GRIK1: variants seen among roughly 807,000 people sequenced by gnomAD.
GRIK1 encodes the protein glutamate receptor ionotropic, kainate 1.
Under a neutral mutation model 105.7 loss-of-function variants are expected in GRIK1, and 69 were observed. The observed-to-expected ratio is 0.65, with a 90% CI of 0.54 to 0.80. The LOEUF (loss-of-function observed/expected upper bound fraction) is 0.80, where lower values mean the gene tolerates loss of function less well. Among genes scored for constraint, GRIK1 ranks in the 30% least tolerant of loss-of-function variants. GRIK1 has a pLI of 0.00. For missense variants in GRIK1, 1,109 were observed against 1,167.3 expected (o/e 0.95, Z 0.73); for synonymous variants, 438 against 431.3 (o/e 1.02, Z -0.19).
chr21:29,581,986 G>A (rs527314718), intron 12 of GRIK1, among the ~76,000 whole-genome samples: 4 of 152,308 alleles, frequency 2.6e-5, no homozygotes, highest in East Asian at 3.9e-4. Flanking sequence ...ACAAAAAAGA[G>A]GGGTGACTTG....
intron 1 of GRIK1, among the ~76,000 whole-genome samples, chr21:29,725,191 A>G (rs949793077): frequency 1.3e-5 from 2 of 152,200 alleles, no homozygotes; most frequent in Admixed American, 1.3e-4. Flanking sequence ...TCAGTAAGAA[A>G]TAACCAAAAC....
At chr21:29,832,031 G>A (rs2067656872) in intron 1 of GRIK1, among the ~76,000 whole-genome samples, 2 of 152,182 alleles carry the variant, frequency 1.3e-5, no homozygotes, top group Admixed American at 1.3e-4. Context: ...GAAATCAGCT[G>A]AAACAAAAGG....
chr21:29,718,408 C>T (rs375583755), intron 1 of GRIK1, among the ~76,000 whole-genome samples: 1 of 152,158 alleles, frequency 6.6e-6, no homozygotes, highest in Non-Finnish European at 1.5e-5. Context: ...CTCATAAACA[C>T]TCATATGCGT....
intron 1 of GRIK1, among the ~76,000 whole-genome samples, chr21:29,742,733 T>C (rs2064960451): frequency 6.6e-6 from 1 of 152,260 alleles, no homozygotes; most frequent in Admixed American, 6.5e-5. Flanking sequence ...CTTCTAGTAC[T>C]TGTATGGTTT....
intron 1 of GRIK1, among the ~76,000 whole-genome samples, chr21:29,817,724 A>G (rs2067191837): frequency 6.6e-6 from 1 of 152,278 alleles, no homozygotes; most frequent in South Asian, 2.1e-4. Flanking sequence ...TGCAGCCACC[A>G]TGAAATGGGA....
intron 1 of GRIK1, among the ~76,000 whole-genome samples, chr21:29,935,082 C>T (rs1014529757): frequency 1.3e-5 from 2 of 152,152 alleles, no homozygotes; most frequent in African/African-American, 2.4e-5. Context: ...TCTTCCTAAA[C>T]ACAGGCAACT....
At chr21:29,821,074 C>T (rs1237101952) in intron 1 of GRIK1, among the ~76,000 whole-genome samples, 4 of 148,152 alleles carry the variant, frequency 2.7e-5, no homozygotes, top group African/African-American at 9.8e-5. Context: ...AAAAAAAAAT[C>T]CATGTATAAC....
chr21:29,686,904 T>C (rs2063495895), intron 3 of GRIK1, among the ~76,000 whole-genome samples: 1 of 152,168 alleles, frequency 6.6e-6, no homozygotes, highest in Non-Finnish European at 1.5e-5. Context: ...CAGGGTCTAA[T>C]GAATCATGAG....
intron 1 of GRIK1, among the ~76,000 whole-genome samples, chr21:29,771,887 G>A (rs940554808): frequency 4.6e-5 from 7 of 152,190 alleles, no homozygotes; most frequent in African/African-American, 1.7e-4. Flanking sequence ...AGTCCCTCCT[G>A]TAAGGTCACT....
At chr21:29,560,165 C>T (rs972714697) in intron 15 of GRIK1, among the ~76,000 whole-genome samples, 2 of 152,082 alleles carry the variant, frequency 1.3e-5, no homozygotes, top group Non-Finnish European at 2.9e-5. Context: ...CTGGACTTGC[C>T]CAGTAGTCTA....
At chr21:29,792,103 G>C (rs922006962) in intron 1 of GRIK1, among the ~76,000 whole-genome samples, 1 of 152,204 alleles carries the variant, frequency 6.6e-6, no homozygotes, top group Non-Finnish European at 1.5e-5. Flanking sequence ...TGTTATGTGT[G>C]TGTGTATATA....
chr21:29,923,286 C>G (rs1233177063), intron 1 of GRIK1, among the ~76,000 whole-genome samples: 2 of 152,114 alleles, frequency 1.3e-5, no homozygotes, highest in African/African-American at 4.8e-5. Context: ...TCTCAGGCAG[C>G]TATAAAGGAG....
At chr21:29,921,337 C>T (rs753872782) in intron 1 of GRIK1, among the ~76,000 whole-genome samples, 1 of 152,072 alleles carries the variant, frequency 6.6e-6, no homozygotes, top group Non-Finnish European at 1.5e-5. Flanking sequence ...CAATATATTT[C>T]ACAGTAGAAA....
intron 1 of GRIK1, among the ~76,000 whole-genome samples, chr21:29,813,202 A>T (rs1014594654): frequency 6.6e-5 from 10 of 152,166 alleles, no homozygotes; most frequent in African/African-American, 2.4e-4. Context: ...GGAATTGCTG[A>T]TCTCACAAAC....
rs148883987 is a variant in GRIK1 at position 29,552,890 on chromosome 21, AG to A, written c.2607+2161del. Among the ~76,000 whole-genome samples, 479 of 152,208 alleles carry A rather than the reference AG, an allele frequency of 3.1e-3. 2 individuals are homozygous for A. The highest frequency in any genetic ancestry group is 0.011 in the African/African-American group (460 of 41,568). On this transcript the variant is annotated intron_variant, in intron 16 of 17. Coordinates refer to ENST00000327783, the MANE Select transcript of GRIK1 (RefSeq NM_001330994.2). Reference sequence around the variant, plus strand: ...TTCTTGACTGTGTTCTGTTTCCATGAGTGATGTTCAACATAGCTAGTGCTCT... The same window carrying A: ...TTCTTGACTGTGTTCTGTTTCCATGATGATGTTCAACATAGCTAGTGCTCT...
chr21:29,744,934 G>A (rs1346565382), intron 1 of GRIK1, among the ~76,000 whole-genome samples: 1 of 152,148 alleles, frequency 6.6e-6, no homozygotes. Flanking sequence ...TTGTTGTGAC[G>A]GGCAGTCTTT....
At chr21:29,731,072 G>T (rs182301604) in intron 1 of GRIK1, among the ~76,000 whole-genome samples, 25 of 152,308 alleles carry the variant, frequency 1.6e-4, no homozygotes, top group African/African-American at 6.0e-4. Context: ...ACAAAAAGAA[G>T]TTAGAAGGAG....
At chr21:29,539,508 A>G (rs2089935853) in intron 16 of GRIK1, among the ~76,000 whole-genome samples, 1 of 152,326 alleles carries the variant, frequency 6.6e-6, no homozygotes, top group South Asian at 2.1e-4. Flanking sequence ...CTTCCGTTCC[A>G]CTGCAAAGTC....
At chr21:29,812,517 T>C (rs944812745) in intron 1 of GRIK1, among the ~76,000 whole-genome samples, 3 of 152,176 alleles carry the variant, frequency 2.0e-5, no homozygotes, top group Non-Finnish European at 4.4e-5. Flanking sequence ...CCAATAGTGA[T>C]AGCTACATGT....
Sources: gnomAD v4.1 joint callset for allele counts (sites outside exome capture counted in the v4.1 genomes callset) on GRCh38, gnomAD v4.1.1 for gene constraint, MANE v1.5 for transcripts, NCBI Gene and HGNC (gene_info 2026-07-23, HGNC 2026-07-21) for gene names.